The following NKIRAS1 variants were observed in gnomAD, a reference collection of about 807,000 sequenced individuals.
NKIRAS1 encodes the protein NF-kappa-B inhibitor-interacting Ras-like protein 1.
A neutral mutation model predicts 19.8 loss-of-function variants in NKIRAS1; 16 were observed. The observed-to-expected ratio is 0.81, with a 90% confidence interval of 0.55 to 1.23. The LOEUF (loss-of-function observed/expected upper bound fraction) is 1.23. NKIRAS1 is among the 50% of genes most tolerant of loss of function. NKIRAS1 has a pLI of 0.00. For missense variants in NKIRAS1, 184 were observed against 220.0 expected (o/e 0.84, Z 1.04); for synonymous variants, 88 against 79.0 (o/e 1.11, Z -0.61).
chr3:23,918,132 A>G, upstream of NKIRAS1: 1 of 1,423,718 alleles, frequency 7.0e-7, no homozygotes, highest in Non-Finnish European at 9.5e-7. Context: ...CTTTCTTCGC[A>G]TAGGGCTTTG....
chr3:23,893,224 A>G lies in NKIRAS1; in HGVS notation c.450T>C (p.Thr150=). ...CAATCAGAGTTTTCCGATCTGTAAC[A>G]GTCACCTCCCACAGTCTTACTTTCT... The part of the protein sequence containing the change: ...KSEKVRLWEV[T]VTDRKTLIEP... The change falls in exon 5 of 5, where the codon ACT becomes ACC. Residue 150 remains threonine (T), a synonymous_variant. Coordinates refer to ENST00000425478, the MANE Select transcript of NKIRAS1 (RefSeq NM_020345.4). 1 of 1,614,188 alleles carries G rather than the reference A, an allele frequency of 6.2e-7. No individual in the cohort carries two copies. The highest frequency in any genetic ancestry group is 8.5e-7 in the Non-Finnish European group (1 of 1,180,026).
chr3:23,909,369 A>C (rs1467266936), intron 3 of NKIRAS1, among the ~76,000 whole-genome samples: 2 of 152,158 alleles, frequency 1.3e-5, no homozygotes, highest in African/African-American at 4.8e-5. Flanking sequence ...TAAAATAAAA[A>C]TACAAAAATT....
chr3:23,932,644 C>A (rs938374145), intron 1 of NKIRAS1, among the ~76,000 whole-genome samples: 7 of 148,028 alleles, frequency 4.7e-5, no homozygotes, highest in African/African-American at 1.8e-4. Flanking sequence ...GCCGAGATGG[C>A]GCCATTGCAC....
intron 1 of NKIRAS1, among the ~76,000 whole-genome samples, chr3:23,928,882 A>T (rs995673095): frequency 6.6e-6 from 1 of 151,820 alleles, no homozygotes; most frequent in African/African-American, 2.4e-5. Context: ...CTGTAGTCCC[A>T]GCCACTTGGT....
upstream of NKIRAS1, chr3:23,921,500 A>G (rs1705077602): frequency 1.5e-6 from 1 of 666,590 alleles, no homozygotes; most frequent in African/African-American, 1.8e-5. Flanking sequence ...TGACCGCCCC[A>G]CAAGCTGTTC....
At position 23,891,142 on chromosome 3, in the gene NKIRAS1, T is replaced by A. The variant is rs1395498746; in HGVS notation, c.*1953A>T. 6.6e-6 allele frequency: 1 copy of A among 152,620 alleles called. No homozygotes were observed. The highest frequency in any genetic ancestry group is 6.5e-5 in the Admixed American group (1 of 15,284). 9.5% of individuals were successfully genotyped at this position (152,620 alleles called of 1,614,324 possible). On this transcript the variant is annotated 3_prime_UTR_variant, in exon 5 of 5. Coordinates refer to ENST00000425478, the MANE Select transcript of NKIRAS1 (RefSeq NM_020345.4). Reference sequence around the variant, plus strand: ...ATTTTATATGCCAATCTACTTTGTTTAAAAAAGGTCTGAATCAGGACTTGT... The same window carrying A: ...ATTTTATATGCCAATCTACTTTGTTAAAAAAAGGTCTGAATCAGGACTTGT...
Position 23,905,361 on chromosome 3 carries a change from T to C in NKIRAS1, c.95-4312A>G, listed in dbSNP as rs113344505. ...CCTCAATGTTGTACTTTTTGATCCA[T>C]GTGGAGATTATGTGAAGGTTTGTCT... On this transcript the variant is annotated intron_variant, in intron 3 of 4. Transcript: ENST00000425478. Among the ~76,000 whole-genome samples, 360 of 152,332 alleles carry C rather than the reference T, an allele frequency of 2.4e-3. 1 individual carries two copies. Among genetic ancestry groups the C allele is most frequent in the African/African-American group, 7.4e-3 (307 of 41,582 alleles).
intron 1 of NKIRAS1, among the ~76,000 whole-genome samples, chr3:23,938,368 C>T (rs1014864570): frequency 3.9e-5 from 6 of 152,128 alleles, no homozygotes; most frequent in African/African-American, 1.4e-4. Flanking sequence ...AGCCACCACA[C>T]CCAACAAATT....
At chr3:23,929,525 C>T (rs1705270058) in intron 1 of NKIRAS1, among the ~76,000 whole-genome samples, 2 of 152,172 alleles carry the variant, frequency 1.3e-5, no homozygotes, top group Non-Finnish European at 2.9e-5. Flanking sequence ...GTCTCCGGCT[C>T]AAGCGATCCT....
At chr3:23,919,401 G>A (rs777381939), upstream of NKIRAS1, 3 of 1,603,316 alleles carry the variant, frequency 1.9e-6, no homozygotes, top group South Asian at 1.1e-5. Flanking sequence ...CGAAAGAGCC[G>A]TGGCCTTGGA....
upstream of NKIRAS1, chr3:23,918,727 C>T (rs1704866375): frequency 1.1e-6 from 1 of 874,298 alleles, no homozygotes; most frequent in Non-Finnish European, 1.7e-6. Context: ...AGAGTAATTG[C>T]TTGAAAGACT....
At chr3:23,931,860 GC>G (rs1468663564) in intron 1 of NKIRAS1, among the ~76,000 whole-genome samples, 3 of 152,140 alleles carry the variant, frequency 2.0e-5, no homozygotes, top group Non-Finnish European at 2.9e-5. Context: ...TCAGCTCCTT[GC>G]CCCAAAGGCT....
chr3:23,925,028 C>A lies in NKIRAS1; in HGVS notation c.-139-13578G>T, dbSNP rs1019782436. On this transcript the variant is annotated intron_variant, in intron 1 of 4. Coordinates refer to the NKIRAS1 transcript ENST00000421515. ...CCATGGCAGAGGGCAAAGAGCATGG[C>A]GTAGAACACCCTAACCTGTAAAGCT... Among the ~76,000 whole-genome samples, 9 of 152,266 alleles carry A rather than the reference C, an allele frequency of 5.9e-5. 1 individual carries two copies. The South Asian group carries it at 1.2e-3, about 21-fold the overall frequency.
rs113131508 is a variant in NKIRAS1 at position 23,927,792 on chromosome 3, T to A, written c.-139-16342A>T. On this transcript the variant is annotated intron_variant, in intron 1 of 4. Transcript: ENST00000421515. This position sits in a 1 kb window ranked among gnomAD's most constrained non-coding sequence, Gnocchi z 4.0. ...AAAAGAAAGATTCAAAAAATGATCA[T>A]CCAAGGCTGGGCATGGTGGCTCATA... is the stretch of plus-strand genomic sequence containing the variant. Among the ~76,000 whole-genome samples the A allele has an allele frequency of 5.6e-4, 86 of 152,216 alleles. No individual in the cohort carries two copies. Among genetic ancestry groups the A allele is most frequent in the Non-Finnish European group, 1.1e-3 (73 of 68,000 alleles).
chr3:23,934,833 G>GA (rs34467255), intron 1 of NKIRAS1, among the ~76,000 whole-genome samples: 67,185 of 143,116 alleles, frequency 0.47, 15,021 homozygotes, highest in Middle Eastern at 0.58. Flanking sequence ...TTGCTCTCTT[G>GA]AAAAAAAAAA....
chr3:23,893,069 C>T lies in NKIRAS1; in HGVS notation c.*26G>A, dbSNP rs1559499850. On this transcript the variant is annotated 3_prime_UTR_variant, in exon 5 of 5. Transcript: ENST00000425478. ...ACACTTAAAGGCAATCACTATTCAA[C>T]ATACAATTGTGGAAATTACTGATTT... 6.5e-7 allele frequency: 1 copy of T among 1,532,246 alleles called. No homozygotes were observed. Among genetic ancestry groups the T allele is most frequent in the Non-Finnish European group, 8.7e-7 (1 of 1,143,794 alleles). The allele number at this position is 1,532,246 out of a possible 1,614,324, so 94.9% of individuals were successfully genotyped here.
At chr3:23,914,813 C>T (rs982021940) in intron 1 of NKIRAS1, among the ~76,000 whole-genome samples, 1 of 152,226 alleles carries the variant, frequency 6.6e-6, no homozygotes, top group Non-Finnish European at 1.5e-5. Flanking sequence ...ATTCACACTA[C>T]TAGAATTGTT....
intron 1 of NKIRAS1, among the ~76,000 whole-genome samples, chr3:23,944,356 T>A (rs1033349841): frequency 1.3e-5 from 2 of 151,432 alleles, no homozygotes; most frequent in African/African-American, 2.4e-5. Context: ...CTGGAAAGAG[T>A]TTTACAAGCA....
intron 1 of NKIRAS1, among the ~76,000 whole-genome samples, chr3:23,936,579 C>A (rs989077020): frequency 3.3e-5 from 5 of 152,134 alleles, no homozygotes; most frequent in Non-Finnish European, 7.3e-5. Context: ...CGGAGTCTCC[C>A]TCTGTCGCCC....
Sources: allele counts gnomAD v4.1 joint callset (sites outside exome capture counted in the v4.1 genomes callset), GRCh38; gene constraint gnomAD v4.1.1; non-coding constraint Gnocchi (gnomAD v3.1); transcripts MANE v1.5; gene names NCBI Gene and HGNC (gene_info 2026-07-23, HGNC 2026-07-21).